The following NBPF19 variants were observed in gnomAD, a reference collection of about 807,000 sequenced individuals.
The protein encoded by NBPF19 is NBPF member 19.
In NBPF19, 30 loss-of-function variants were observed where a neutral mutation model predicts 45.9. The observed-to-expected ratio is 0.65, with a 90% CI of 0.49 to 0.89. NBPF19 has a LOEUF of 0.89. NBPF19 is among the 40% of genes least tolerant of loss of function. NBPF19 has a pLI of 0.00. For missense variants in NBPF19, 495 were observed against 471.8 expected (o/e 1.05, Z -0.46); for synonymous variants, 183 against 181.2 (o/e 1.01, Z -0.08).
chr1:149,477,840 G>C, intron 2 of NBPF19, 105 bp from the exon 3 acceptor site: 1 of 818,052 alleles, frequency 1.2e-6, no homozygotes, highest in Non-Finnish European at 2.1e-6. Flanking sequence ...CCTGGTACTG[G>C]GGAGAGTTTT....
rs1570989160 is a variant in NBPF19, at chr1:149,488,129, G to A, written c.1157G>A (p.Arg386Lys). Residue 386 changes from arginine (R) to lysine (K), a missense_variant, in exon 10 of 94, where the codon AGA (arginine) becomes AAA (lysine). Physicochemically the swap from Arg to Lys is conservative, Grantham distance 26. Coordinates refer to ENST00000651566, the MANE Select transcript of NBPF19 (RefSeq NM_001351365.2). The part of the protein sequence containing the change: ...LELTDSCQPY[R>K]SAFYVLEQQR... The stretch of plus-strand genomic sequence containing the variant: ...CTGACTGACTCATGCCAGCCCTACA[G>A]AAGTGCCTTTTACGTATTGGAGCAA... 7.4e-6 allele frequency: 5 copies of A among 674,578 alleles called. No homozygotes were observed. Among genetic ancestry groups the A allele is most frequent in the Admixed American group, 2.2e-5 (1 of 45,334 alleles). The allele number at this position is 674,578 out of a possible 1,614,324, so 41.8% of individuals were successfully genotyped here.
chr1:149,488,319 G>A, intron 10 of NBPF19, 134 bp downstream of exon 10: 2 of 606,240 alleles, frequency 3.3e-6, no homozygotes, highest in Admixed American at 2.7e-5. Context: ...CATGTAGGTT[G>A]AATGAAACTC....
chr1:149,488,368 G>A (rs1365545841), intron 10 of NBPF19, among the ~76,000 whole-genome samples, 183 bp downstream of exon 10: 5 of 142,524 alleles, frequency 3.5e-5, no homozygotes, highest in African/African-American at 1.3e-4. Flanking sequence ...ATGGTTCAGT[G>A]AGCAAGGCTC....
intron 45 of NBPF19, among the ~76,000 whole-genome samples, chr1:149,516,163 C>G (rs2086466642): frequency 9.7e-6 from 1 of 102,732 alleles, no homozygotes; most frequent in Non-Finnish European, 2.1e-5. Flanking sequence ...CTCTCATGGC[C>G]ACTGCATCGA....
intron 9 of NBPF19, 128 bp downstream of exon 9, chr1:149,487,511 A>G (rs1488935411): frequency 1.7e-5 from 17 of 1,001,246 alleles, no homozygotes; most frequent in Non-Finnish European, 2.7e-5. Context: ...TGCCTAATAC[A>G]TTGCTTTTTT....
intron 9 of NBPF19, 139 bp from the exon 10 acceptor site, chr1:149,487,874 G>A: frequency 4.4e-6 from 3 of 687,366 alleles, no homozygotes; most frequent in Non-Finnish European, 5.4e-6. Flanking sequence ...CCAACATAAA[G>A]GCAATAATTT....
chr1:149,487,597 A>T (rs1438332877), intron 9 of NBPF19, among the ~76,000 whole-genome samples: 2 of 150,798 alleles, frequency 1.3e-5, no homozygotes, highest in African/African-American at 2.4e-5. Flanking sequence ...AAAGTTGACC[A>T]TACCTCAAAA....
intron 8 of NBPF19, among the ~76,000 whole-genome samples, 196 bp from the exon 9 acceptor site, chr1:149,487,135 AT>A (rs1422702448): frequency 0.038 from 5,801 of 151,084 alleles, 342 homozygotes; most frequent in Middle Eastern, 0.065. Context: ...ACACAGGGGA[AT>A]TTTGCCCAAG....
intron 2 of NBPF19, among the ~76,000 whole-genome samples, 176 bp from the exon 3 acceptor site, chr1:149,477,769 G>A (rs2084930437): frequency 6.6e-6 from 1 of 151,200 alleles, no homozygotes; most frequent in South Asian, 2.1e-4. Flanking sequence ...AAATTTTGGA[G>A]GATCAGATGC....
At position 149,494,470 on chromosome 1, in the gene NBPF19, GC is replaced by G. The variant is rs2086007361; in HGVS notation, c.2151del (p.Leu718TrpfsTer32). ...TACTCATTGGAGGAACAGTACCTTG[GC>G]TTGGCTCTTGACGTGGACAGTGAGT... is the stretch of plus-strand genomic sequence containing the variant. ...AVYSLEEQYL[G>X]LALDVDRIKK... On this transcript the variant is annotated frameshift_variant, in exon 18 of 94. Coordinates refer to ENST00000651566, the MANE Select transcript of NBPF19 (RefSeq NM_001351365.2). LOFTEE classifies it high-confidence loss of function. 4.3e-6 allele frequency: 1 copy of G among 230,534 alleles called. No individual in the cohort carries two copies. The highest frequency in any genetic ancestry group is 7.5e-6 in the Non-Finnish European group (1 of 133,230). The allele number at this position is 230,534 out of a possible 1,614,324, so 14.3% of individuals were successfully genotyped here. A position where few individuals can be genotyped will look rare whatever the true frequency, so the allele number is the denominator to read the frequency against.
At chr1:149,494,141 A>C (rs1443874191) in intron 17 of NBPF19, among the ~76,000 whole-genome samples, 177 bp from the exon 18 acceptor site, 2 of 115,040 alleles carry the variant, frequency 1.7e-5, no homozygotes, top group African/African-American at 8.3e-5. Context: ...TTTCTCTTTC[A>C]TTCTTCTCTA....
At chr1:149,554,330 C>G (rs1280401645) in intron 93 of NBPF19, among the ~76,000 whole-genome samples, 165 bp from the exon 94 acceptor site, 1 of 151,728 alleles carries the variant, frequency 6.6e-6, no homozygotes, top group Non-Finnish European at 1.5e-5. Context: ...CTACCTGGCC[C>G]TGTTCTATCC....
rs1159547135 is a variant in NBPF19 at position 149,478,349 on chromosome 1, T to C, written c.278+302T>C. 3.0e-4 allele frequency among the ~76,000 whole-genome samples: 46 copies of C among 151,274 alleles called. 2 individuals are homozygous for C. The highest frequency in any genetic ancestry group is 4.9e-4 in the Non-Finnish European group (33 of 67,664). On this transcript the variant is annotated intron_variant, in intron 3 of 93. Coordinates refer to ENST00000651566, the MANE Select transcript of NBPF19 (RefSeq NM_001351365.2). ...CCAGCAGCATTCAGTATAATCAAAATGGTGTGCTATCACCACCCCACTTAC... is the reference window on the plus strand; with the variant it reads ...CCAGCAGCATTCAGTATAATCAAAACGGTGTGCTATCACCACCCCACTTAC...
intron 51 of NBPF19, among the ~76,000 whole-genome samples, 161 bp from the exon 52 acceptor site, chr1:149,521,158 C>T (rs1191229622): frequency 1.3e-5 from 1 of 75,476 alleles, no homozygotes; most frequent in Non-Finnish European, 2.9e-5. Flanking sequence ...TCTACCTGGC[C>T]CTGTTCTATC....
chr1:149,486,540 A>G (rs1328799071), intron 8 of NBPF19, among the ~76,000 whole-genome samples: 1 of 151,470 alleles, frequency 6.6e-6, no homozygotes, highest in African/African-American at 2.4e-5. Context: ...CTGTCACGAC[A>G]TTGAACTCAA....
At chr1:149,488,359 T>C (rs2085747983) in intron 10 of NBPF19, among the ~76,000 whole-genome samples, 174 bp downstream of exon 10, 1 of 142,224 alleles carries the variant, frequency 7.0e-6, no homozygotes, top group East Asian at 2.3e-4. Context: ...AGACAAGGGA[T>C]GGTTCAGTGA....
Position 149,479,650 on chromosome 1 carries a change from C to A in NBPF19, c.494-492C>A, listed in dbSNP as rs1322140409. On this transcript the variant is annotated intron_variant, in intron 4 of 93. Transcript: ENST00000651566. ...TGGGGGCATTTGGTGGTAGGAAGTG[C>A]TTCAGACTGGAGCACTCCCCATGGA... 7.1e-3 allele frequency among the ~76,000 whole-genome samples: 1,058 copies of A among 148,964 alleles called. 27 individuals are homozygous for A. Among genetic ancestry groups the A allele is most frequent in the Non-Finnish European group, 0.011 (747 of 66,754 alleles).
chr1:149,476,954 TAAATA>T (rs2084873358), intron 2 of NBPF19, among the ~76,000 whole-genome samples: 1 of 150,704 alleles, frequency 6.6e-6, no homozygotes, highest in Admixed American at 6.6e-5. Flanking sequence ...AACAAAAAGA[TAAATA>T]AATCAAAAAT....
At chr1:149,492,613 C>G (rs1419365710) in intron 15 of NBPF19, among the ~76,000 whole-genome samples, 155 bp from the exon 16 acceptor site, 1 of 135,300 alleles carries the variant, frequency 7.4e-6, no homozygotes, top group Non-Finnish European at 1.6e-5. Flanking sequence ...TGGCCCTGTT[C>G]TATCCCAACA....
Sources: allele counts gnomAD v4.1 joint callset (sites outside exome capture counted in the v4.1 genomes callset), GRCh38; gene constraint gnomAD v4.1.1; transcripts MANE v1.5; gene names NCBI Gene and HGNC (gene_info 2026-07-23, HGNC 2026-07-21).